Variants in FGL1 observed in about 807,000 individuals in gnomAD.
FGL1 encodes the protein fibrinogen-like protein 1.
A neutral mutation model predicts 43.7 loss-of-function variants in FGL1; 59 were observed. The ratio of observed to expected loss-of-function variants is 1.35; its 90% CI spans 1.10 to 1.68. FGL1 has a LOEUF of 1.68. Among genes scored for constraint, FGL1 ranks in the 40% most tolerant of loss-of-function variants. FGL1 has a pLI of 0.00. For synonymous variants in FGL1, 192 were observed against 126.5 expected, an observed-to-expected ratio of 1.52 and a Z score of -3.48; for missense variants, 596 against 373.0, an observed-to-expected ratio of 1.60 and a Z score of -4.92.
rs754545637 is a variant in FGL1 at position 17,874,548 on chromosome 8, A to G, written c.245-27T>C. The stretch of plus-strand genomic sequence containing the variant: ...TGTTTTTAAAACAAGGTAATGTAAC[A>G]TTCATTATGTGTCTTTTTCTCCCCC... On this transcript the variant is annotated intron_variant, in intron 3 of 7. Transcript: ENST00000427924. 25 of 1,583,064 alleles carry G rather than the reference A, an allele frequency of 1.6e-5. No individual in the cohort carries two copies. In the South Asian group the frequency reaches 1.7e-4, roughly 11 times the overall value.
chr8:17,885,819 A>C, intron 1 of FGL1: 2 of 437,058 alleles, frequency 4.6e-6, no homozygotes, highest in Non-Finnish European at 8.2e-6. Context: ...CGCTATCCTA[A>C]TGTGCTGTTT....
intron 2 of FGL1, 85 bp downstream of exon 2, chr8:17,885,407 C>T (rs952000680): frequency 2.6e-6 from 3 of 1,145,644 alleles, no homozygotes; most frequent in African/African-American, 3.1e-5. Context: ...AATGACAAGT[C>T]ACTATAGGTT....
intron 1 of FGL1, among the ~76,000 whole-genome samples, chr8:17,890,803 G>C (rs2053693329): frequency 6.6e-6 from 1 of 152,108 alleles, no homozygotes; most frequent in Non-Finnish European, 1.5e-5. Flanking sequence ...GAAGAGCCAA[G>C]CAAAAGCCCC....
At chr8:17,890,824 A>G (rs1473112763) in intron 1 of FGL1, among the ~76,000 whole-genome samples, 1 of 152,132 alleles carries the variant, frequency 6.6e-6, no homozygotes, top group East Asian at 1.9e-4. Flanking sequence ...TTATAAAACC[A>G]TCAGATCTCA....
Position 17,867,783 on chromosome 8 carries a change from A to T in FGL1, c.779+765T>A, listed in dbSNP as rs149881101. 3.7e-3 allele frequency among the ~76,000 whole-genome samples: 562 copies of T among 152,284 alleles called. 1 individual carries two copies. Among genetic ancestry groups the T allele is most frequent in the African/African-American group, 0.012 (519 of 41,576 alleles). On this transcript the variant is annotated intron_variant, in intron 7 of 7. Transcript: ENST00000427924. ...CTGCTCAGAATGACATGCAATTTAAAACTTATGAATTCGGCAGGGTGCGGT... is the reference window on the plus strand; with the variant it reads ...CTGCTCAGAATGACATGCAATTTAATACTTATGAATTCGGCAGGGTGCGGT...
intron 1 of FGL1, 111 bp from the exon 2 acceptor site, chr8:17,885,682 A>G: frequency 1.3e-6 from 1 of 785,100 alleles, no homozygotes; most frequent in Non-Finnish European, 2.0e-6. Flanking sequence ...GGCCATCCCT[A>G]ATCTTAGAGT....
rs140117264 is a variant in FGL1, at chr8:17,882,148, C to T, written c.95G>A (p.Arg32Gln). 24 of 1,613,794 alleles carry T rather than the reference C, an allele frequency of 1.5e-5. No individual in the cohort carries two copies. The highest frequency in any genetic ancestry group is 1.3e-4 in the East Asian group (6 of 44,846). ...ALEDCAQEQM[R>Q]LRAQVRLLET... The stretch of plus-strand genomic sequence containing the variant: ...AAGCAGGCGCACCTGGGCTCTGAGC[C>T]GCATCTGCTCCTGGGCACAGTCCTC... The change falls in exon 3 of 8, where the codon CGG (arginine) becomes CAG (glutamine). Residue 32 changes from arginine (R) to glutamine (Q), a missense_variant. By Grantham distance (43) the Arg-to-Gln change is conservative (BLOSUM62 1). Transcript: ENST00000427924.
chr8:17,888,719 A>G (rs1157969549), intron 1 of FGL1, among the ~76,000 whole-genome samples: 2 of 152,226 alleles, frequency 1.3e-5, no homozygotes, highest in Non-Finnish European at 2.9e-5. Context: ...ATATAAATCA[A>G]TAGTCAATAA....
chr8:17,871,491 C>CAAAA (rs11445398), intron 5 of FGL1, among the ~76,000 whole-genome samples: 1 of 131,968 alleles, frequency 7.6e-6, no homozygotes. Flanking sequence ...AAATCTGTCT[C>CAAAA]AAAAAAAAAA....
chr8:17,867,822 C>A (rs1322780696), intron 7 of FGL1, among the ~76,000 whole-genome samples: 1 of 152,176 alleles, frequency 6.6e-6, no homozygotes, highest in Non-Finnish European at 1.5e-5. Flanking sequence ...TCACGCCCAA[C>A]ACTTTGGGAG....
At chr8:17,893,317 C>A (rs1459739150) in intron 1 of FGL1, among the ~76,000 whole-genome samples, 4 of 151,982 alleles carry the variant, frequency 2.6e-5, no homozygotes, top group Admixed American at 6.6e-5. Flanking sequence ...TTTGAAAATG[C>A]TCTGAATGAT....
chr8:17,868,839 A>G, intron 6 of FGL1, 77 bp downstream of exon 6: 1 of 1,460,972 alleles, frequency 6.8e-7, no homozygotes, highest in South Asian at 1.3e-5. Context: ...GTATATTTTT[A>G]TTTCCACTGA....
At chr8:17,878,406 T>A (rs7015872) in intron 3 of FGL1, among the ~76,000 whole-genome samples, 6,004 of 152,232 alleles carry the variant, frequency 0.039, 170 homozygotes, top group African/African-American at 0.068. Context: ...GACTTTGAAA[T>A]CAAACTCCAG....
In FGL1 at chr8:17,865,165, T is replaced by C. The variant is rs377642580; in HGVS notation, c.780-414A>G. ...TACAACCCAGGCCACTCACAGTGCA[T>C]TGAAAAATAAGCATTTCAATTTTTG... On this transcript the variant is annotated intron_variant, in intron 7 of 7. Transcript: ENST00000427924. Among the ~76,000 whole-genome samples the C allele has an allele frequency of 3.2e-4, 48 of 152,222 alleles. No homozygotes were observed. The East Asian group carries it at 4.6e-3, about 15-fold the overall frequency.
At chr8:17,873,474 C>T (rs777994001) in intron 5 of FGL1, among the ~76,000 whole-genome samples, 1 of 152,064 alleles carries the variant, frequency 6.6e-6, no homozygotes, top group African/African-American at 2.4e-5. Flanking sequence ...CAAAATCACC[C>T]AGCCAACCTG....
intron 3 of FGL1, among the ~76,000 whole-genome samples, chr8:17,877,072 T>C (rs1369502751): frequency 6.6e-6 from 1 of 152,106 alleles, no homozygotes; most frequent in Admixed American, 6.6e-5. Flanking sequence ...CTTTGGGAAA[T>C]GAGACTTAAA....
intron 5 of FGL1, among the ~76,000 whole-genome samples, chr8:17,869,911 C>T (rs1235645479): frequency 6.6e-6 from 1 of 152,096 alleles, no homozygotes; most frequent in Admixed American, 6.6e-5. Flanking sequence ...AGATAGAGAC[C>T]ATCCTGGCTA....
chr8:17,892,080 T>C (rs377628912), intron 1 of FGL1, among the ~76,000 whole-genome samples: 2 of 152,198 alleles, frequency 1.3e-5, no homozygotes, highest in African/African-American at 2.4e-5. Flanking sequence ...GCAATAAATA[T>C]GTTTTTTGAG....
intron 7 of FGL1, among the ~76,000 whole-genome samples, chr8:17,866,152 CTG>C (rs1489700184): frequency 1.3e-5 from 2 of 152,152 alleles, no homozygotes; most frequent in Non-Finnish European, 2.9e-5. Flanking sequence ...GAAACTGACT[CTG>C]TGATGAACAT....
Sources: allele counts gnomAD v4.1 joint callset (sites outside exome capture counted in the v4.1 genomes callset), GRCh38; gene constraint gnomAD v4.1.1; transcripts MANE v1.5; gene names NCBI Gene and HGNC (gene_info 2026-07-23, HGNC 2026-07-21).